Variants in RPTOR observed in about 807,000 individuals in gnomAD.
RPTOR encodes regulatory associated protein of MTOR complex 1.
RPTOR carries 21 observed loss-of-function variants against 169.9 expected under a neutral mutation model. That is an observed-to-expected ratio of 0.12 (90% CI 0.09 to 0.18). RPTOR has a LOEUF of 0.18. Among genes scored for constraint, RPTOR ranks in the 10% least tolerant of loss-of-function variants. The probability of loss-of-function intolerance (pLI) is 1.00; values close to 1 mark genes in which losing one functional copy is unlikely to be tolerated. For missense variants in RPTOR, 1,133 were observed against 1,855.9 expected (o/e 0.61, Z 7.16); for synonymous variants, 732 against 753.2 (o/e 0.97, Z 0.46).
intron 28 of RPTOR, among the ~76,000 whole-genome samples, chr17:80,953,849 T>A (rs556051264): frequency 3.2e-4 from 48 of 152,310 alleles, no homozygotes; most frequent in African/African-American, 1.1e-3. Context: ...CGGCCCTCAC[T>A]GTGCTCACAA....
At chr17:80,938,261 A>G (rs1449532343) in intron 24 of RPTOR, among the ~76,000 whole-genome samples, 9 of 151,670 alleles carry the variant, frequency 5.9e-5, no homozygotes, top group Non-Finnish European at 1.3e-4. Context: ...AAGCCGCCCC[A>G]TTTCTACCCC....
intron 7 of RPTOR, among the ~76,000 whole-genome samples, chr17:80,821,154 C>T (rs1187482415): frequency 6.6e-6 from 1 of 152,214 alleles, no homozygotes; most frequent in East Asian, 1.9e-4. Context: ...CATGATGGCT[C>T]ATGCCTGTAA....
rs958959857 is a variant in RPTOR at position 80,919,359 on chromosome 17, C to T, written c.2521-3365C>T. Among the ~76,000 whole-genome samples, 4 of 152,166 alleles carry T rather than the reference C, an allele frequency of 2.6e-5. 1 individual carries two copies. Among genetic ancestry groups the T allele is most frequent in the Admixed American group, 2.6e-4 (4 of 15,276 alleles). ...CCTCTGGATAATCCTCTGGGAATCCCTTTTTAAGAGTTTCTCACACATGAA... is the reference window on the plus strand; with the variant it reads ...CCTCTGGATAATCCTCTGGGAATCCTTTTTTAAGAGTTTCTCACACATGAA... On this transcript the variant is annotated intron_variant, in intron 21 of 33. Coordinates refer to ENST00000306801, the MANE Select transcript of RPTOR (RefSeq NM_020761.3).
intron 20 of RPTOR, among the ~76,000 whole-genome samples, chr17:80,897,820 G>A (rs894887956): frequency 3.3e-5 from 5 of 152,168 alleles, no homozygotes; most frequent in Non-Finnish European, 7.3e-5. Context: ...TTGAATTCGG[G>A]CAGCAGAGGT....
intron 13 of RPTOR, among the ~76,000 whole-genome samples, chr17:80,864,271 A>G (rs1404432008): frequency 7.2e-6 from 1 of 139,506 alleles, no homozygotes; most frequent in African/African-American, 2.6e-5. Context: ...CAAAGGTGAG[A>G]ATGACGGCAG....
intron 3 of RPTOR, among the ~76,000 whole-genome samples, chr17:80,694,951 G>A (rs1238018931): frequency 6.6e-6 from 1 of 152,188 alleles, no homozygotes; most frequent in Admixed American, 6.5e-5. Context: ...TATATCCAAG[G>A]AGGGTGAGGG....
intron 19 of RPTOR, among the ~76,000 whole-genome samples, chr17:80,893,438 G>A (rs2068356960): frequency 6.7e-6 from 1 of 148,926 alleles, no homozygotes; most frequent in Non-Finnish European, 1.5e-5. Context: ...GCCAGGGTGT[G>A]TGTACTGGGT....
At chr17:80,647,772 C>T (rs2065608239) in intron 3 of RPTOR, among the ~76,000 whole-genome samples, 1 of 152,128 alleles carries the variant, frequency 6.6e-6, no homozygotes, top group South Asian at 2.1e-4. Flanking sequence ...GGAGCTCATT[C>T]TCATCTTGTC....
At chr17:80,909,822 T>C (rs1216413148) in intron 21 of RPTOR, 2 of 152,232 alleles carry the variant, frequency 1.3e-5, no homozygotes, top group Non-Finnish European at 2.9e-5. Context: ...CCATTTTCCA[T>C]TTGATTGATT....
At chr17:80,739,546 G>A (rs1169081787) in intron 5 of RPTOR, among the ~76,000 whole-genome samples, 2 of 152,080 alleles carry the variant, frequency 1.3e-5, no homozygotes, top group South Asian at 2.1e-4. Flanking sequence ...GCGTCCATGC[G>A]GCATTCATCA....
chr17:80,861,958 C>T lies in RPTOR; in HGVS notation c.1509+4058C>T, dbSNP rs545009574. ...CAGGGCGTCTTGTTTAAAACTGGCT[C>T]TTGGTCCCGTGGATCTCCCAGGGCC... On this transcript the variant is annotated intron_variant, in intron 13 of 33. Transcript: ENST00000306801. This position sits in a 1 kb window ranked among gnomAD's most constrained non-coding sequence, Gnocchi z 4.5. Among the ~76,000 whole-genome samples, 10 of 152,326 alleles carry T rather than the reference C, an allele frequency of 6.6e-5. No individual in the cohort carries two copies. In the East Asian group the frequency reaches 1.9e-3, roughly 29 times the overall value.
rs535601094 is a variant in RPTOR, at chr17:80,560,835, C to T, written c.162+15044C>T. Among the ~76,000 whole-genome samples the T allele has an allele frequency of 4.1e-4, 62 of 152,224 alleles. No individual in the cohort carries two copies. In the East Asian group the frequency reaches 0.011, roughly 26 times the overall value. Reference sequence around the variant, plus strand: ...GAGAACAGGGACTCTGTGTTCACTGCTGAGCCCGAGGCTGTTCCCGGGGTG... The same window carrying T: ...GAGAACAGGGACTCTGTGTTCACTGTTGAGCCCGAGGCTGTTCCCGGGGTG... On this transcript the variant is annotated intron_variant, in intron 1 of 33. Transcript: ENST00000306801.
intron 7 of RPTOR, among the ~76,000 whole-genome samples, chr17:80,793,214 A>C (rs914722179): frequency 2.6e-5 from 4 of 152,224 alleles, no homozygotes; most frequent in African/African-American, 9.7e-5. Context: ...TAAATCCAAA[A>C]AACTTAACTG....
intron 7 of RPTOR, among the ~76,000 whole-genome samples, chr17:80,821,281 C>T (rs1223581690): frequency 2.0e-5 from 3 of 152,200 alleles, no homozygotes; most frequent in African/African-American, 7.2e-5. Context: ...GTTCACTGAA[C>T]TTAGCTACCC....
intron 3 of RPTOR, among the ~76,000 whole-genome samples, chr17:80,689,898 C>G (rs1176249906): frequency 2.0e-5 from 3 of 152,042 alleles, no homozygotes; most frequent in African/African-American, 7.2e-5. Flanking sequence ...ATATTTCTAC[C>G]TGTCTGGACA....
intron 20 of RPTOR, among the ~76,000 whole-genome samples, chr17:80,895,489 G>A (rs1033054127): frequency 3.9e-5 from 6 of 152,210 alleles, no homozygotes; most frequent in Non-Finnish European, 8.8e-5. Flanking sequence ...GCACGTGCAG[G>A]AACCCAGCCT....
At chr17:80,777,214 G>A (rs1344792331) in intron 6 of RPTOR, among the ~76,000 whole-genome samples, 1 of 150,822 alleles carries the variant, frequency 6.6e-6, no homozygotes, top group Non-Finnish European at 1.5e-5. Context: ...TCCCAGTCTT[G>A]GCAACAGAGC....
intron 6 of RPTOR, among the ~76,000 whole-genome samples, chr17:80,755,435 CTA>C (rs1483764424): frequency 6.6e-6 from 1 of 151,996 alleles, no homozygotes; most frequent in Admixed American, 6.6e-5. Flanking sequence ...GACCTTGTCT[CTA>C]AAAAGAAAAT....
intron 3 of RPTOR, among the ~76,000 whole-genome samples, chr17:80,678,216 A>T (rs1344091240): frequency 6.6e-6 from 1 of 152,244 alleles, no homozygotes; most frequent in Non-Finnish European, 1.5e-5. Flanking sequence ...TTTGCAGCAG[A>T]AAAAGACAAA....
Sources: allele counts gnomAD v4.1 joint callset (sites outside exome capture counted in the v4.1 genomes callset), GRCh38; gene constraint gnomAD v4.1.1; non-coding constraint Gnocchi (gnomAD v3.1); transcripts MANE v1.5; gene names NCBI Gene and HGNC (gene_info 2026-07-23, HGNC 2026-07-21).